The following ERBB4 variants were observed in gnomAD, a reference collection of about 807,000 sequenced individuals.
ERBB4 encodes receptor tyrosine-protein kinase erbB-4.
Under a neutral mutation model 158.0 loss-of-function variants are expected in ERBB4, and 42 were observed. The observed-to-expected ratio is 0.27, with a 90% CI of 0.21 to 0.34. The LOEUF (loss-of-function observed/expected upper bound fraction) is 0.34. ERBB4 is among the 10% of genes least tolerant of loss of function. ERBB4 has a pLI of 1.00. For synonymous variants in ERBB4, 583 were observed against 558.7 expected (o/e 1.04, Z -0.61); for missense variants, 1,333 against 1,624.1 (o/e 0.82, Z 3.08).
chr2:212,041,446 T>C (rs190893113), intron 2 of ERBB4, among the ~76,000 whole-genome samples: 3 of 152,190 alleles, frequency 2.0e-5, no homozygotes, highest in East Asian at 3.9e-4. Context: ...ATTAGCACCA[T>C]CTTTAGTTTC....
intron 2 of ERBB4, among the ~76,000 whole-genome samples, chr2:212,115,556 C>A (rs372435319): frequency 3.9e-5 from 6 of 151,974 alleles, no homozygotes; most frequent in African/African-American, 1.5e-4. Flanking sequence ...CTTGCTGTTC[C>A]CAAATAAAAG....
intron 20 of ERBB4, among the ~76,000 whole-genome samples, chr2:211,531,688 G>A (rs10194002): frequency 0.3 from 45,977 of 151,898 alleles, 8,159 homozygotes; most frequent in East Asian, 0.65. Flanking sequence ...TGGAGAAAAG[G>A]GACCTCTCAT....
In ERBB4 at chr2:212,092,863, A is replaced by G. The variant is rs192495805; in HGVS notation, c.234+31889T>C. 1.6e-4 allele frequency among the ~76,000 whole-genome samples: 25 copies of G among 152,316 alleles called. No individual in the cohort carries two copies. The East Asian group carries it at 4.6e-3, about 28-fold the overall frequency. ...TTAGGAGAAATACCTAATGCAGATGATGAGTTGATGGGTGCAGCAAACCAA... is the reference window on the plus strand; with the variant it reads ...TTAGGAGAAATACCTAATGCAGATGGTGAGTTGATGGGTGCAGCAAACCAA... On this transcript the variant is annotated intron_variant, in intron 2 of 27. Coordinates refer to ENST00000342788, the MANE Select transcript of ERBB4 (RefSeq NM_005235.3).
At chr2:211,432,617 A>C (rs1333604265) in intron 20 of ERBB4, among the ~76,000 whole-genome samples, 2 of 152,086 alleles carry the variant, frequency 1.3e-5, no homozygotes, top group Non-Finnish European at 2.9e-5. Context: ...AAAAAAAAAA[A>C]AAACAAATAA....
chr2:211,414,437 G>A (rs13409566), intron 25 of ERBB4, among the ~76,000 whole-genome samples: 43,461 of 149,590 alleles, frequency 0.29, 7,317 homozygotes, highest in Non-Finnish European at 0.37. Flanking sequence ...CAGAGGTTGC[G>A]GTAAGCTGAG....
At chr2:212,430,707 A>G (rs1425362760) in intron 1 of ERBB4, among the ~76,000 whole-genome samples, 1 of 152,166 alleles carries the variant, frequency 6.6e-6, no homozygotes, top group Non-Finnish European at 1.5e-5. Flanking sequence ...TGTTGTATAC[A>G]TATTGAGATC....
intron 1 of ERBB4, among the ~76,000 whole-genome samples, chr2:212,332,494 T>C (rs1219887773): frequency 2.0e-5 from 3 of 152,134 alleles, no homozygotes; most frequent in Non-Finnish European, 2.9e-5. Context: ...ATGCCACTAC[T>C]CTGCCTTCAC....
At chr2:212,195,485 TTAAA>T (rs71855115) in intron 1 of ERBB4, among the ~76,000 whole-genome samples, 28,851 of 151,844 alleles carry the variant, frequency 0.19, 3,016 homozygotes, top group Non-Finnish European at 0.22. Flanking sequence ...TTTAAATTAA[TTAAA>T]TAAAATATGC....
At chr2:211,507,365 CAAAT>C (rs2065777710) in intron 20 of ERBB4, among the ~76,000 whole-genome samples, 1 of 152,018 alleles carries the variant, frequency 6.6e-6, no homozygotes, top group Non-Finnish European at 1.5e-5. Flanking sequence ...TTCTACAAAA[CAAAT>C]AAAACCCTGA....
chr2:211,909,208 CTT>C (rs1201233222), intron 3 of ERBB4, among the ~76,000 whole-genome samples: 1 of 151,650 alleles, frequency 6.6e-6, no homozygotes, highest in African/African-American at 2.4e-5. Flanking sequence ...TTCCAGCACC[CTT>C]TTTGACAAAT....
intron 1 of ERBB4, among the ~76,000 whole-genome samples, chr2:212,167,743 T>C (rs112854691): frequency 0.02 from 2,992 of 152,212 alleles, 99 homozygotes; most frequent in African/African-American, 0.069. Flanking sequence ...ATATACACCA[T>C]GGAATACTAT....
chr2:211,595,516 T>C (rs2068603497), intron 19 of ERBB4, among the ~76,000 whole-genome samples: 2 of 152,016 alleles, frequency 1.3e-5, no homozygotes, highest in African/African-American at 4.8e-5. Flanking sequence ...AAAGTACAAA[T>C]ATAAAGCATT....
chr2:212,124,936 A>G, intron 1 of ERBB4, 33 bp from the exon 2 acceptor site: 1 of 1,611,366 alleles, frequency 6.2e-7, no homozygotes, highest in Non-Finnish European at 8.5e-7. Flanking sequence ...GTGAAATTAC[A>G]TAACCTTTAT....
At position 211,424,242 on chromosome 2, in the gene ERBB4, G is replaced by C; in HGVS notation, c.2779C>G (p.Arg927Gly). 6.2e-7 allele frequency: 1 copy of C among 1,612,924 alleles called. No homozygotes were observed. The highest frequency in any genetic ancestry group is 8.5e-7 in the Non-Finnish European group (1 of 1,179,226). Residue 927 changes from arginine to glycine, a missense_variant, in exon 23 of 28, where the codon CGA becomes GGA. Physicochemically the swap from Arg to Gly is moderately radical, Grantham distance 125. Coordinates refer to ENST00000342788, the MANE Select transcript of ERBB4 (RefSeq NM_005235.3). ...TTCTCTAATAAATCAGGGATTTCTC[G>C]CGTTGGAATTCCATCATAGGGTTTT... is the stretch of plus-strand genomic sequence containing the variant. The part of the protein sequence containing the change: ...GGKPYDGIPT[R>G]EIPDLLEKGE...
intron 1 of ERBB4, among the ~76,000 whole-genome samples, chr2:212,252,843 T>C (rs2084589730): frequency 1.3e-5 from 2 of 152,038 alleles, no homozygotes; most frequent in Non-Finnish European, 1.5e-5. Context: ...AATGCAGACA[T>C]ATGTATTGTA....
chr2:211,934,926 T>TAACAAAAAAAAAAA (rs2080273255), intron 3 of ERBB4, among the ~76,000 whole-genome samples: 1 of 86,646 alleles, frequency 1.2e-5, no homozygotes, highest in South Asian at 3.4e-4. Flanking sequence ...CTCATTCAGC[T>TAACAAAAAAAAAAA]AAAAAAAAAA....
At chr2:211,685,385 C>T (rs577425258) in intron 12 of ERBB4, among the ~76,000 whole-genome samples, 45 of 152,272 alleles carry the variant, frequency 3.0e-4, no homozygotes, top group African/African-American at 9.4e-4. Flanking sequence ...GCTTTAAAGG[C>T]TACCCTTCCT....
intron 1 of ERBB4, among the ~76,000 whole-genome samples, chr2:212,242,690 T>C (rs2084155356): frequency 1.3e-5 from 2 of 152,180 alleles, no homozygotes; most frequent in Non-Finnish European, 2.9e-5. Flanking sequence ...AAAAATACAC[T>C]GAATTCTCAA....
chr2:211,736,321 T>A (rs1013159293), intron 5 of ERBB4, among the ~76,000 whole-genome samples: 3 of 152,210 alleles, frequency 2.0e-5, no homozygotes, highest in Non-Finnish European at 2.9e-5. Flanking sequence ...ATGAAATGTT[T>A]TGAGGAATAA....
Sources: gnomAD v4.1 joint callset for allele counts (sites outside exome capture counted in the v4.1 genomes callset) on GRCh38, gnomAD v4.1.1 for gene constraint, MANE v1.5 for transcripts, NCBI Gene and HGNC (gene_info 2026-07-23, HGNC 2026-07-21) for gene names.